Variants in CSMD1 observed in about 807,000 individuals in gnomAD.
CSMD1 encodes the protein CUB and sushi domain-containing protein 1.
In CSMD1, 213 loss-of-function variants were observed where a neutral mutation model predicts 417.5. That is an observed-to-expected ratio of 0.51 (90% CI 0.46 to 0.57). The LOEUF is 0.57. CSMD1 is among the 20% of genes least tolerant of loss of function. CSMD1 has a pLI of 0.00. For missense variants in CSMD1, 6,923 were observed against 4,529.7 expected (o/e 1.53, Z -15.17); for synonymous variants, 2,862 against 1,736.8 (o/e 1.65, Z -16.11).
At chr8:3,439,925 T>G (rs986978656) in intron 12 of CSMD1, among the ~76,000 whole-genome samples, 1 of 152,194 alleles carries the variant, frequency 6.6e-6, no homozygotes, top group African/African-American at 2.4e-5. Flanking sequence ...CTTCCTCCAT[T>G]GAATTGCTTT....
chr8:4,844,684 T>C (rs1801030100), intron 1 of CSMD1, among the ~76,000 whole-genome samples: 1 of 152,236 alleles, frequency 6.6e-6, no homozygotes, highest in East Asian at 1.9e-4. Flanking sequence ...TAGAATTTAC[T>C]CATTATTATC....
intron 3 of CSMD1, among the ~76,000 whole-genome samples, chr8:4,046,929 G>A (rs780033118): frequency 6.6e-6 from 1 of 152,106 alleles, no homozygotes; most frequent in Non-Finnish European, 1.5e-5. Flanking sequence ...ATGGCCAAGA[G>A]GGAACTTGAG....
intron 26 of CSMD1, among the ~76,000 whole-genome samples, chr8:3,251,800 A>C (rs1424882283): frequency 5.3e-5 from 8 of 151,900 alleles, no homozygotes; most frequent in African/African-American, 1.5e-4. Flanking sequence ...AGTTGGATTC[A>C]TATGTATTTT....
chr8:4,955,480 G>T (rs1034396204), intron 1 of CSMD1, among the ~76,000 whole-genome samples: 7 of 150,994 alleles, frequency 4.6e-5, no homozygotes, highest in Admixed American at 4.0e-4. Context: ...TTGTGAGACA[G>T]AGTCTCACTC....
chr8:4,570,680 C>G (rs1798849357), intron 2 of CSMD1, among the ~76,000 whole-genome samples: 1 of 152,146 alleles, frequency 6.6e-6, no homozygotes, highest in Non-Finnish European at 1.5e-5. Flanking sequence ...GGAGGATTCC[C>G]TCTTTTTCTA....
chr8:3,459,552 G>A (rs960605055), intron 12 of CSMD1, among the ~76,000 whole-genome samples: 2 of 152,148 alleles, frequency 1.3e-5, no homozygotes, highest in African/African-American at 4.8e-5. Flanking sequence ...AGGTACATGG[G>A]AGATCTGTGC....
At chr8:3,102,381 AAAGAG>A (rs1175623142) in intron 46 of CSMD1, among the ~76,000 whole-genome samples, 2 of 152,212 alleles carry the variant, frequency 1.3e-5, no homozygotes, top group Admixed American at 1.3e-4. Context: ...TCGTGACTTG[AAAGAG>A]AAGAGAACTA....
At chr8:4,513,602 A>T (rs1802945702) in intron 2 of CSMD1, among the ~76,000 whole-genome samples, 1 of 152,220 alleles carries the variant, frequency 6.6e-6, no homozygotes, top group African/African-American at 2.4e-5. Context: ...TAAATGGAGC[A>T]TGTAAAAGAT....
chr8:3,708,927 T>C (rs973377239), intron 6 of CSMD1, among the ~76,000 whole-genome samples: 1 of 152,150 alleles, frequency 6.6e-6, no homozygotes, highest in Non-Finnish European at 1.5e-5. Flanking sequence ...CATGTATTCA[T>C]ATATTCATTT....
At chr8:3,104,120 G>T (rs930672818) in intron 46 of CSMD1, among the ~76,000 whole-genome samples, 1 of 152,106 alleles carries the variant, frequency 6.6e-6, no homozygotes, top group African/African-American at 2.4e-5. Flanking sequence ...ATCACCTTTA[G>T]TTAAAGTCTT....
chr8:4,933,356 T>C (rs539397017), intron 1 of CSMD1, among the ~76,000 whole-genome samples: 1 of 152,166 alleles, frequency 6.6e-6, no homozygotes, highest in African/African-American at 2.4e-5. Flanking sequence ...ATCCCCCATT[T>C]TGGTAAACTG....
chr8:3,466,469 G>A (rs1429745257), intron 12 of CSMD1, among the ~76,000 whole-genome samples: 2 of 151,884 alleles, frequency 1.3e-5, no homozygotes, highest in African/African-American at 2.4e-5. Flanking sequence ...GAGTGCAGTG[G>A]CACGATCTTG....
intron 25 of CSMD1, among the ~76,000 whole-genome samples, chr8:3,292,951 G>C (rs1338205468): frequency 2.0e-5 from 3 of 152,032 alleles, no homozygotes; most frequent in African/African-American, 7.3e-5. Context: ...GCATGATTTT[G>C]CAGTGGCTGG....
intron 10 of CSMD1, among the ~76,000 whole-genome samples, chr8:3,558,003 T>G (rs900511477): frequency 2.0e-5 from 3 of 152,032 alleles, no homozygotes; most frequent in Non-Finnish European, 4.4e-5. Context: ...GTACCCTGTG[T>G]CCACTCCTCC....
At chr8:4,319,441 A>C (rs1034098573) in intron 3 of CSMD1, among the ~76,000 whole-genome samples, 1 of 152,128 alleles carries the variant, frequency 6.6e-6, no homozygotes, top group African/African-American at 2.4e-5. Flanking sequence ...ACTTCTTTCC[A>C]AAATCCAAAT....
chr8:3,268,149 CTGAATGAATGAA>C (rs958111054), intron 26 of CSMD1, among the ~76,000 whole-genome samples: 1 of 151,898 alleles, frequency 6.6e-6, no homozygotes, highest in Non-Finnish European at 1.5e-5. Flanking sequence ...GAACTGATAT[CTGAATGAATGAA>C]TGAATGAATG....
intron 3 of CSMD1, among the ~76,000 whole-genome samples, chr8:4,382,418 G>C (rs1803160727): frequency 6.6e-6 from 1 of 152,166 alleles, no homozygotes. Context: ...AAGCAAATTA[G>C]CTGTCCTATT....
intron 5 of CSMD1, among the ~76,000 whole-genome samples, chr8:3,949,229 G>C (rs991390054): frequency 6.6e-6 from 1 of 152,006 alleles, no homozygotes; most frequent in African/African-American, 2.4e-5. Context: ...TCTTCTGTTA[G>C]CAATTTTGAA....
At position 4,472,192 on chromosome 8, in the gene CSMD1, TTTCTC is replaced by T. The variant is rs1800572978; in HGVS notation, c.303-52132_303-52128del. ...TTTTACTTTTATTAAAATGTTATTT[TTTCTC>T]TTATTTAGGAAATCTCAAAAATTAT... On this transcript the variant is annotated intron_variant, in intron 2 of 69. Coordinates refer to ENST00000635120, the MANE Select transcript of CSMD1 (RefSeq NM_033225.6). Among the ~76,000 whole-genome samples, 4 of 152,304 alleles carry T rather than the reference TTTCTC, an allele frequency of 2.6e-5. No individual in the cohort carries two copies. The South Asian group carries it at 8.3e-4, about 32-fold the overall frequency.
Sources: allele counts gnomAD v4.1 joint callset (sites outside exome capture counted in the v4.1 genomes callset), GRCh38; gene constraint gnomAD v4.1.1; transcripts MANE v1.5; gene names NCBI Gene and HGNC (gene_info 2026-07-23, HGNC 2026-07-21).